The following BTBD9 variants were observed in gnomAD, a reference collection of about 807,000 sequenced individuals.
BTBD9 encodes BTB/POZ domain-containing protein 9.
In BTBD9, 49 loss-of-function variants were observed where a neutral mutation model predicts 64.3. The observed-to-expected ratio is 0.76, with a 90% CI of 0.61 to 0.97. The LOEUF is 0.97. Among genes scored for constraint, BTBD9 ranks in the 50% least tolerant of loss-of-function variants. The pLI, the probability that BTBD9 is intolerant of heterozygous loss-of-function variation, is 0.00. For synonymous variants in BTBD9, 260 were observed against 274.7 expected (o/e 0.95, Z 0.53); for missense variants, 598 against 762.1 (o/e 0.78, Z 2.53).
chr6:38,225,072 T>C (rs961537413), intron 9 of BTBD9, among the ~76,000 whole-genome samples: 1 of 152,206 alleles, frequency 6.6e-6, no homozygotes, highest in Non-Finnish European at 1.5e-5. Flanking sequence ...GACAGGAAGA[T>C]ATGAAAAAGC....
intron 9 of BTBD9, among the ~76,000 whole-genome samples, chr6:38,234,180 G>T (rs1763701779): frequency 6.6e-6 from 1 of 151,022 alleles, no homozygotes; most frequent in Non-Finnish European, 1.5e-5. Flanking sequence ...TCTATTTGTT[G>T]TTCTATATGA....
At chr6:38,306,494 T>C (rs1762628530) in intron 7 of BTBD9, among the ~76,000 whole-genome samples, 1 of 152,212 alleles carries the variant, frequency 6.6e-6, no homozygotes, top group African/African-American at 2.4e-5. Context: ...AATGCAAAAG[T>C]TGCATGTTAA....
At chr6:38,618,830 C>T (rs1206966560) in intron 1 of BTBD9, among the ~76,000 whole-genome samples, 1 of 152,170 alleles carries the variant, frequency 6.6e-6, no homozygotes, top group African/African-American at 2.4e-5. Context: ...GTGGCTTAAG[C>T]TGCAGCCCAA....
Position 38,224,542 on chromosome 6 carries a change from A to G in BTBD9, c.1562+31867T>C, listed in dbSNP as rs751533594. Reference sequence around the variant, plus strand: ...ACACAAAGGCTTTTTAGAGATTACCATCCAAAATACACACAATGGAGAAGC... The same window carrying G: ...ACACAAAGGCTTTTTAGAGATTACCGTCCAAAATACACACAATGGAGAAGC... On this transcript the variant is annotated intron_variant, in intron 9 of 10. Transcript: ENST00000481247. Among the ~76,000 whole-genome samples the G allele has an allele frequency of 8.1e-4, 123 of 152,222 alleles. 1 individual carries two copies. Among genetic ancestry groups the G allele is most frequent in the Admixed American group, 3.9e-4 (6 of 15,288 alleles).
intron 6 of BTBD9, among the ~76,000 whole-genome samples, chr6:38,370,197 C>T (rs1765360091): frequency 6.6e-6 from 1 of 152,086 alleles, no homozygotes; most frequent in Admixed American, 6.5e-5. Context: ...GTATGGAATC[C>T]CGATCACCTT....
chr6:38,391,876 G>A (rs779901591), intron 6 of BTBD9, among the ~76,000 whole-genome samples: 14 of 152,124 alleles, frequency 9.2e-5, no homozygotes, highest in Non-Finnish European at 1.8e-4. Flanking sequence ...TGATCGATCG[G>A]CAACTTGCTC....
At chr6:38,299,086 T>C (rs776345957) in intron 7 of BTBD9, among the ~76,000 whole-genome samples, 10 of 152,288 alleles carry the variant, frequency 6.6e-5, no homozygotes, top group Non-Finnish European at 1.5e-4. Context: ...AGTTCCCACC[T>C]ATGAGTGAGA....
chr6:38,397,140 G>A (rs1033168801), intron 6 of BTBD9, among the ~76,000 whole-genome samples: 1 of 152,134 alleles, frequency 6.6e-6, no homozygotes, highest in African/African-American at 2.4e-5. Context: ...GGCTTCAAGT[G>A]ATTTGTCTGC....
intron 6 of BTBD9, among the ~76,000 whole-genome samples, chr6:38,541,098 T>C (rs1434736244): frequency 2.6e-5 from 4 of 152,292 alleles, no homozygotes; most frequent in South Asian, 4.1e-4. Flanking sequence ...TTAAAGACAA[T>C]GTTTCTGGTC....
intron 6 of BTBD9, among the ~76,000 whole-genome samples, chr6:38,446,583 T>G (rs1353435409): frequency 6.6e-6 from 1 of 152,200 alleles, no homozygotes; most frequent in African/African-American, 2.4e-5. Context: ...TCCCATTGTT[T>G]CATGGAACGA....
intron 6 of BTBD9, among the ~76,000 whole-genome samples, chr6:38,547,451 T>C (rs1183915153): frequency 2.0e-5 from 3 of 151,516 alleles, no homozygotes; most frequent in Non-Finnish European, 4.4e-5. Context: ...ATAAAATAAA[T>C]ATAAACCTGC....
intron 8 of BTBD9, among the ~76,000 whole-genome samples, chr6:38,257,891 T>C (rs1319618435): frequency 6.6e-6 from 1 of 151,996 alleles, no homozygotes; most frequent in Non-Finnish European, 1.5e-5. Context: ...GAGTGGTAGT[T>C]ACACGGGCAT....
rs543921245 is a variant in BTBD9, at chr6:38,550,725, C to A, written c.1154+26875G>T. On this transcript the variant is annotated intron_variant, in intron 6 of 10. Transcript: ENST00000481247. ...CTACCTCCACTGCTTCTACCCTCAT[C>A]CAAGCCACCACTATCTTTTGTCTAA... 4.6e-5 allele frequency among the ~76,000 whole-genome samples: 7 copies of A among 152,282 alleles called. No homozygotes were observed. In the East Asian group the frequency reaches 1.4e-3, roughly 29 times the overall value.
chr6:38,192,717 T>A, intron 9 of BTBD9, 120 bp from the exon 10 acceptor site: 1 of 828,922 alleles, frequency 1.2e-6, no homozygotes, highest in Non-Finnish European at 2.0e-6. Context: ...ACCTGCACTA[T>A]AGGAGGGGCA....
chr6:38,390,010 G>C (rs933604142), intron 6 of BTBD9, among the ~76,000 whole-genome samples: 9 of 151,936 alleles, frequency 5.9e-5, no homozygotes, highest in African/African-American at 1.9e-4. Flanking sequence ...GAGGTTATAG[G>C]GCTATCACTG....
intron 8 of BTBD9, among the ~76,000 whole-genome samples, chr6:38,281,866 C>A (rs1002171304): frequency 1.3e-5 from 2 of 152,090 alleles, no homozygotes; most frequent in African/African-American, 2.4e-5. Context: ...TTGCACATAT[C>A]AATTGCAAAA....
At chr6:38,318,382 T>C (rs1452974493) in intron 7 of BTBD9, among the ~76,000 whole-genome samples, 2 of 152,238 alleles carry the variant, frequency 1.3e-5, no homozygotes, top group Non-Finnish European at 2.9e-5. Flanking sequence ...TAGTCTGGAC[T>C]TGTTTGTACC....
At chr6:38,359,572 A>C (rs1236272051) in intron 6 of BTBD9, among the ~76,000 whole-genome samples, 2 of 152,180 alleles carry the variant, frequency 1.3e-5, no homozygotes, top group Non-Finnish European at 2.9e-5. Context: ...TAAAATGCTG[A>C]ACTCTGAAAA....
chr6:38,507,958 C>T (rs910475554), intron 6 of BTBD9, among the ~76,000 whole-genome samples: 4 of 151,822 alleles, frequency 2.6e-5, no homozygotes, highest in South Asian at 2.1e-4. Context: ...CTCAGCCTCC[C>T]GAGTAGCTGG....
Sources: gnomAD v4.1 joint callset for allele counts (sites outside exome capture counted in the v4.1 genomes callset) on GRCh38, gnomAD v4.1.1 for gene constraint, MANE v1.5 for transcripts, NCBI Gene and HGNC (gene_info 2026-07-23, HGNC 2026-07-21) for gene names.